Variants in NCAPD3 observed in about 807,000 individuals in gnomAD.
NCAPD3 encodes the protein condensin-2 complex subunit D3.
A neutral mutation model predicts 182.9 loss-of-function variants in NCAPD3; 105 were observed. The observed-to-expected ratio is 0.57, with a 90% CI of 0.49 to 0.68. The LOEUF (loss-of-function observed/expected upper bound fraction) is 0.68, where lower values mean the gene tolerates loss of function less well. NCAPD3 is among the 30% of genes least tolerant of loss of function. The pLI is 0.00. For missense variants in NCAPD3, 1,944 were observed against 1,837.0 expected (o/e 1.06, Z -1.07); for synonymous variants, 815 against 679.9 (o/e 1.20, Z -3.09).
chr11:134,190,146 C>T (rs982063804), intron 16 of NCAPD3, among the ~76,000 whole-genome samples: 1 of 152,134 alleles, frequency 6.6e-6, no homozygotes, highest in Admixed American at 6.5e-5. Context: ...ACTGAACTTT[C>T]TTCAGTGTTA....
chr11:134,200,487 T>A lies in NCAPD3; in HGVS notation c.1615+2329A>T, dbSNP rs74732423. On this transcript the variant is annotated intron_variant, in intron 13 of 34. Coordinates refer to ENST00000534548, the MANE Select transcript of NCAPD3 (RefSeq NM_015261.3). ...TAAGCCTATGAAAATTTACTCAACA[T>A]CATTAGCCATTAGGGAAATGTAAAT... Among the ~76,000 whole-genome samples the A allele has an allele frequency of 4.1e-4, 63 of 152,276 alleles. 1 individual carries two copies. The East Asian group carries it at 0.012, about 29-fold the overall frequency.
chr11:134,187,710 G>C (rs1425904408), intron 16 of NCAPD3, among the ~76,000 whole-genome samples: 1 of 152,168 alleles, frequency 6.6e-6, no homozygotes, highest in Non-Finnish European at 1.5e-5. Flanking sequence ...TCACCAAAAT[G>C]CCAGGTGCCC....
At chr11:134,153,634 C>G (rs1022980358) in intron 32 of NCAPD3, 1 of 510,900 alleles carries the variant, frequency 2.0e-6, no homozygotes, top group East Asian at 3.5e-5. Flanking sequence ...TGGCTTCCCT[C>G]CCGCCGTCTT....
At chr11:134,163,983 T>A (rs1264824999) in intron 27 of NCAPD3, among the ~76,000 whole-genome samples, 1 of 149,950 alleles carries the variant, frequency 6.7e-6, no homozygotes, top group African/African-American at 2.5e-5. Context: ...AAGGAAACCA[T>A]GGAAATGGGA....
chr11:134,208,463 C>T (rs1398205830), intron 7 of NCAPD3, among the ~76,000 whole-genome samples: 1 of 152,126 alleles, frequency 6.6e-6, no homozygotes, highest in East Asian at 1.9e-4. Context: ...CATGAATTGC[C>T]AAGGGAAACT....
upstream of NCAPD3, chr11:134,223,971 G>A: frequency 1.2e-6 from 2 of 1,600,944 alleles, no homozygotes; most frequent in Non-Finnish European, 1.7e-6. Context: ...AACTTTCAAA[G>A]CTCGCTCCCG....
At chr11:134,175,620 G>T (rs929519062) in intron 24 of NCAPD3, among the ~76,000 whole-genome samples, 13 of 152,266 alleles carry the variant, frequency 8.5e-5, no homozygotes, top group African/African-American at 2.9e-4. Context: ...CCACTGTGGG[G>T]CTTTTGCTAT....
Position 134,184,971 on chromosome 11 carries a change from C to A in NCAPD3, c.2267G>T (p.Gly756Val). The change falls in exon 18 of 35, where the codon GGA becomes GTA. Residue 756 changes from glycine to valine, a missense_variant. Gly to Val is a moderately radical substitution (Grantham distance 109, BLOSUM62 -3). Transcript: ENST00000534548. ...SQQNPNSNTL[G>V]HILCVIGHIA... ...ATGCCCAATCACACAGAGAATATGTCCTAAGGTGTTTGAATTGGGATTCTG... is the reference window on the plus strand; with the variant it reads ...ATGCCCAATCACACAGAGAATATGTACTAAGGTGTTTGAATTGGGATTCTG... The A allele has an allele frequency of 6.2e-7, 1 of 1,613,770 alleles. No homozygotes were observed. Among genetic ancestry groups the A allele is most frequent in the South Asian group, 1.1e-5 (1 of 91,044 alleles).
At chr11:134,220,531 T>C (rs769677537) in intron 2 of NCAPD3, 41 bp downstream of exon 2, 3 of 1,581,558 alleles carry the variant, frequency 1.9e-6, no homozygotes, top group African/African-American at 2.7e-5. Context: ...ATCTTCTACT[T>C]CTAACACCAA....
intron 3 of NCAPD3, among the ~76,000 whole-genome samples, chr11:134,212,025 A>T (rs551699083): frequency 6.6e-6 from 1 of 152,334 alleles, no homozygotes; most frequent in Admixed American, 6.5e-5. Context: ...ATAAGCACAG[A>T]GGCAATCACA....
intron 11 of NCAPD3, 118 bp downstream of exon 11, chr11:134,203,536 A>G (rs1283071057): frequency 6.8e-6 from 9 of 1,329,662 alleles, no homozygotes; most frequent in Non-Finnish European, 9.2e-6. Context: ...TGGTTTTGAG[A>G]GTAAAAATAG....
At chr11:134,220,514 G>T in intron 2 of NCAPD3, 58 bp downstream of exon 2, 2 of 1,504,222 alleles carry the variant, frequency 1.3e-6, no homozygotes, top group South Asian at 2.4e-5. Flanking sequence ...TTATAATAAT[G>T]ACTTTCATCT....
chr11:134,215,427 G>C (rs1937978649), intron 3 of NCAPD3, among the ~76,000 whole-genome samples: 1 of 152,204 alleles, frequency 6.6e-6, no homozygotes, highest in African/African-American at 2.4e-5. Context: ...AGAAAACCCT[G>C]TTGGAACCAA....
At chr11:134,213,278 A>C (rs1937904898) in intron 3 of NCAPD3, among the ~76,000 whole-genome samples, 1 of 151,938 alleles carries the variant, frequency 6.6e-6, no homozygotes, top group Admixed American at 6.5e-5. Flanking sequence ...GTGAGCTATG[A>C]TTGCCACTGC....
At chr11:134,168,297 G>T in intron 26 of NCAPD3, 102 bp from the exon 27 acceptor site, 1 of 1,437,840 alleles carries the variant, frequency 7.0e-7, no homozygotes, top group South Asian at 1.2e-5. Context: ...AGGCTGTCAG[G>T]GGGTCTGCAA....
chr11:134,187,556 G>C (rs1944436363), intron 16 of NCAPD3, among the ~76,000 whole-genome samples: 1 of 152,144 alleles, frequency 6.6e-6, no homozygotes, highest in African/African-American at 2.4e-5. Context: ...CTGAGCTTTT[G>C]CATGACTATT....
intron 32 of NCAPD3, among the ~76,000 whole-genome samples, chr11:134,156,614 C>A (rs535184901): frequency 6.8e-4 from 103 of 152,296 alleles, no homozygotes; most frequent in Admixed American, 1.7e-3. Context: ...AGTTGCAGAG[C>A]GTGCATGGTA....
rs769789227 is a variant in NCAPD3, at chr11:134,176,349, C to T, written c.3059G>A (p.Arg1020Gln). The change falls in exon 24 of 35, where the codon CGA becomes CAA. Residue 1020 changes from arginine to glutamine, a missense_variant. Arg to Gln is a conservative substitution (Grantham distance 43). This residue lies in a region of NCAPD3 where 1,803 missense variants were observed against 1,674.6 expected (regional missense o/e 1.08). Coordinates refer to ENST00000534548, the MANE Select transcript of NCAPD3 (RefSeq NM_015261.3). ...TGAATCGATCAGAGTGCTGACAAAT[C>T]GGAAGAACAGGGAGCCCTTCCATTT... The part of the protein sequence containing the change: ...FVKWKGSLFF[R>Q]FVSTLIDSHP... The T allele has an allele frequency of 1.8e-5, 29 of 1,613,972 alleles. No homozygotes were observed. The highest frequency in any genetic ancestry group is 3.3e-5 in the South Asian group (3 of 91,082).
chr11:134,153,732 A>C lies in NCAPD3; in HGVS notation c.4253-369T>G. Reference sequence around the variant, plus strand: ...ACCCAGATTCCCTGAGGACACTTCAACTCCTTGCCTCTGCACCTCCACGCG... The same window carrying C: ...ACCCAGATTCCCTGAGGACACTTCACCTCCTTGCCTCTGCACCTCCACGCG... On this transcript the variant is annotated intron_variant, in intron 32 of 34. Transcript: ENST00000534548. 5 of 274,952 alleles carry C rather than the reference A, an allele frequency of 1.8e-5. No individual in the cohort carries two copies. In the East Asian group the frequency reaches 2.7e-4, roughly 15 times the overall value. The allele number at this position is 274,952 out of a possible 1,614,324, so 17.0% of individuals were successfully genotyped here. A position where few individuals can be genotyped will look rare whatever the true frequency, so the allele number is the denominator to read the frequency against.
Sources: gnomAD v4.1 joint callset for allele counts (sites outside exome capture counted in the v4.1 genomes callset) on GRCh38, gnomAD v4.1.1 for gene constraint, gnomAD v4.1.1 regional missense constraint, MANE v1.5 for transcripts, NCBI Gene and HGNC (gene_info 2026-07-23, HGNC 2026-07-21) for gene names.